The following PACS2 variants were observed in gnomAD, a reference collection of about 807,000 sequenced individuals.
The protein encoded by PACS2 is PACS1-like protein.
In PACS2, 36 loss-of-function variants were observed where a neutral mutation model predicts 113.0. The observed-to-expected ratio is 0.32, with a 90% confidence interval of 0.24 to 0.42. PACS2 has a LOEUF of 0.42. PACS2 is among the 10% of genes least tolerant of loss of function. The probability of loss-of-function intolerance (pLI) is 1.00; values close to 1 mark genes in which losing one functional copy is unlikely to be tolerated. For missense variants in PACS2, 1,015 were observed against 1,239.5 expected (o/e 0.82, Z 2.72); for synonymous variants, 589 against 536.1 (o/e 1.10, Z -1.36).
chr14:105,362,809 T>A (rs1218290734), intron 4 of PACS2, among the ~76,000 whole-genome samples: 3 of 150,744 alleles, frequency 2.0e-5, no homozygotes, highest in Admixed American at 1.3e-4. Flanking sequence ...CAAGATCGCG[T>A]CATTGCACTC....
rs1294241883 is a variant in PACS2, at chr14:105,396,099, G to GC, written c.*1435dup. On this transcript the variant is annotated 3_prime_UTR_variant, in exon 25 of 25. Coordinates refer to ENST00000447393, the MANE Select transcript of PACS2 (RefSeq NM_001100913.3). Reference sequence around the variant, plus strand: ...TGTGACCGCCCTGCTCTTCCTGGCCGCCCCCCCCAGGTGGCTGAACAGGGT... The same window carrying GC: ...TGTGACCGCCCTGCTCTTCCTGGCCGCCCCCCCCCAGGTGGCTGAACAGGGT... 3.5e-4 allele frequency: 53 copies of GC among 152,060 alleles called. No individual in the cohort carries two copies. In the South Asian group the frequency reaches 5.2e-3, roughly 15 times the overall value. 9.4% of individuals were successfully genotyped at this position (152,060 alleles called of 1,614,324 possible).
chr14:105,380,819 G>C (rs181965783), intron 11 of PACS2, 138 bp from the exon 12 acceptor site: 3 of 785,182 alleles, frequency 3.8e-6, no homozygotes, highest in South Asian at 4.3e-5. Flanking sequence ...CCTGGTCAGC[G>C]TATGGCCGGG....
intron 4 of PACS2, among the ~76,000 whole-genome samples, chr14:105,359,832 C>A (rs868952200): frequency 5.9e-5 from 9 of 152,164 alleles, no homozygotes; most frequent in African/African-American, 2.2e-4. Flanking sequence ...ACCTCGCGAT[C>A]CGCCCACCTT....
At chr14:105,361,348 A>G (rs782528881) in intron 4 of PACS2, among the ~76,000 whole-genome samples, 1 of 151,748 alleles carries the variant, frequency 6.6e-6, no homozygotes, top group Non-Finnish European at 1.5e-5. Context: ...ACAAAAAAAG[A>G]AAAAAAGGCT....
At position 105,397,535 on chromosome 14, in the gene PACS2, C is replaced by G. The variant is rs587716464; in HGVS notation, c.*2863C>G. 1.3e-5 allele frequency: 2 copies of G among 152,346 alleles called. No individual in the cohort carries two copies. Among genetic ancestry groups the G allele is most frequent in the Admixed American group, 1.3e-4 (2 of 15,282 alleles). 9.4% of individuals were successfully genotyped at this position (152,346 alleles called of 1,614,324 possible). On this transcript the variant is annotated 3_prime_UTR_variant, in exon 25 of 25. Transcript: ENST00000447393. The stretch of plus-strand genomic sequence containing the variant: ...CACTATTACGTAGACAGACCCCACC[C>G]TCACCCAGGCCAGCTGTGGGCCAGT...
chr14:105,376,779 G>A lies in PACS2; in HGVS notation c.813G>A (p.Ser271=), dbSNP rs782081321. 1.8e-5 allele frequency: 29 copies of A among 1,612,574 alleles called. No homozygotes were observed. The highest frequency in any genetic ancestry group is 6.7e-5 in the East Asian group (3 of 44,860). Residue 271 remains serine (S), a synonymous_variant, in exon 9 of 25, where the codon TCG becomes TCA. Coordinates refer to ENST00000447393, the MANE Select transcript of PACS2 (RefSeq NM_001100913.3). This position sits in a 1 kb window ranked among gnomAD's most constrained non-coding sequence, Gnocchi z 4.7. ...TGGCACCCGTGCAGGTCCTGGACTC[G>A]GAGCAGGACCCTGCGGAGCACATCC... ...RFKVSDEVLD[S]EQDPAEHIPE...
chr14:105,373,473 G>A (rs2061233214), intron 8 of PACS2, among the ~76,000 whole-genome samples: 1 of 152,242 alleles, frequency 6.6e-6, no homozygotes, highest in African/African-American at 2.4e-5. Flanking sequence ...GGGAAGAATA[G>A]TCTTCAACAA....
At chr14:105,309,967 G>T (rs907463100), upstream of PACS2, among the ~76,000 whole-genome samples, 2 of 151,412 alleles carry the variant, frequency 1.3e-5, no homozygotes, top group African/African-American at 4.9e-5. This position sits in a 1 kb window ranked among gnomAD's most constrained non-coding sequence, Gnocchi z 4.0. Flanking sequence ...TGTATTTTTA[G>T]TAGAGACGGG....
At chr14:105,372,269 T>A (rs1182039878) in intron 8 of PACS2, 1 of 152,260 alleles carries the variant, frequency 6.6e-6, no homozygotes, top group Non-Finnish European at 1.5e-5. Context: ...CGCTGAGGGC[T>A]GCCTTCTGAA....
In PACS2 at chr14:105,385,792, G is replaced by A. The variant is rs782075847; in HGVS notation, c.2033+75G>A. On this transcript the variant is annotated intron_variant, in intron 19 of 24. Transcript: ENST00000447393. Reference sequence around the variant, plus strand: ...TTCAGGGCTTGTTTGGCAGAGTCACGTAGGAATCACCCCGCTGTCCTCTCT... The same window carrying A: ...TTCAGGGCTTGTTTGGCAGAGTCACATAGGAATCACCCCGCTGTCCTCTCT... 4.5e-5 allele frequency: 42 copies of A among 924,804 alleles called. 1 individual carries two copies. The highest frequency in any genetic ancestry group is 3.7e-4 in the Admixed American group (13 of 34,992). 57.3% of individuals were successfully genotyped at this position (924,804 alleles called of 1,614,324 possible).
At position 105,394,580 on chromosome 14, in the gene PACS2, G is replaced by A. The variant is rs782258879; in HGVS notation, c.2623G>A (p.Asp875Asn). The change falls in exon 25 of 25, where the codon GAC (aspartate) becomes AAC (asparagine). Residue 875 changes from aspartate to asparagine, a missense_variant. Transcript: ENST00000447393. Reference sequence around the variant, plus strand: ...CCTCATCGACGGCGTGGAGTGCAGCGACGTCAAGTTCTTCCAGCTGGCCGC... The same window carrying A: ...CCTCATCGACGGCGTGGAGTGCAGCAACGTCAAGTTCTTCCAGCTGGCCGC... ...RVLIDGVECS[D>N]VKFFQLAAQW... 2.1e-5 allele frequency: 34 copies of A among 1,613,122 alleles called. No homozygotes were observed. Among genetic ancestry groups the A allele is most frequent in the Admixed American group, 1.8e-4 (11 of 60,014 alleles).
intron 9 of PACS2, among the ~76,000 whole-genome samples, chr14:105,378,063 C>G (rs190993649): frequency 1.3e-5 from 2 of 152,228 alleles, no homozygotes; most frequent in African/African-American, 4.8e-5. Context: ...CCTCCACCTT[C>G]GGAACCAGCA....
Position 105,315,861 on chromosome 14 carries a change from G to C in PACS2, c.119+824G>C, listed in dbSNP as rs2058591316. Among the ~76,000 whole-genome samples the C allele has an allele frequency of 6.6e-6, 1 of 152,246 alleles. No individual in the cohort carries two copies. Among genetic ancestry groups the C allele is most frequent in the African/African-American group, 2.4e-5 (1 of 41,458 alleles). ...AGACACGCTCTCCGGAAAAGTTCTG[G>C]TTCTAGAATAGACAGCAGGCGAGAA... On this transcript the variant is annotated intron_variant, in intron 1 of 24. Transcript: ENST00000447393. This position sits in a 1 kb window ranked among gnomAD's most constrained non-coding sequence, Gnocchi z 4.4.
At chr14:105,385,137 G>A (rs188170002) in intron 18 of PACS2, 150 bp downstream of exon 18, 2 of 631,194 alleles carry the variant, frequency 3.2e-6, no homozygotes, top group Non-Finnish European at 5.8e-6. Flanking sequence ...GGGCAGCTCT[G>A]GGCCTCCCTG....
At chr14:105,327,689 G>T (rs2059170699) in intron 1 of PACS2, among the ~76,000 whole-genome samples, 2 of 152,244 alleles carry the variant, frequency 1.3e-5, no homozygotes, top group African/African-American at 4.8e-5. Flanking sequence ...GTGGGCTATC[G>T]AAGGTTTTGG....
chr14:105,374,942 G>C (rs1311345014), intron 8 of PACS2: 2 of 152,184 alleles, frequency 1.3e-5, no homozygotes, highest in Non-Finnish European at 2.9e-5. Context: ...GCTGCGAGCC[G>C]CGGTTGACAT....
rs2060365082 is a variant in PACS2, at chr14:105,354,719, CTGT to C, written c.298-331_298-329del. On this transcript the variant is annotated intron_variant, in intron 3 of 24. Coordinates refer to ENST00000447393, the MANE Select transcript of PACS2 (RefSeq NM_001100913.3). The surrounding 1 kb of genome is among the most constrained non-coding windows in gnomAD (Gnocchi z 4.2). ...TGCCTCAGGCACATGAGCCGCCACACTGTTTCCGAGTGTCCACAGGCGCGCTCG... is the reference window on the plus strand; with the variant it reads ...TGCCTCAGGCACATGAGCCGCCACACTTCCGAGTGTCCACAGGCGCGCTCG... 6.6e-6 allele frequency among the ~76,000 whole-genome samples: 1 copy of C among 152,242 alleles called. No homozygotes were observed. The highest frequency in any genetic ancestry group is 6.5e-5 in the Admixed American group (1 of 15,286).
rs587767186 is a variant in PACS2, at chr14:105,370,306, C to T, written c.801+406C>T. 143 of 134,078 alleles carry T rather than the reference C, an allele frequency of 1.1e-3. 3 individuals are homozygous for T. The East Asian group carries it at 0.014, about 13-fold the overall frequency. 8.3% of individuals were successfully genotyped at this position (134,078 alleles called of 1,614,324 possible). ...CCCACTATTGACATGGGCCCCCCCT[C>T]CCCACCTGACAGCCCCCCACTACTG... On this transcript the variant is annotated intron_variant, in intron 8 of 24. Coordinates refer to ENST00000447393, the MANE Select transcript of PACS2 (RefSeq NM_001100913.3).
In PACS2 at chr14:105,392,753, C is replaced by A. The variant is rs782710750; in HGVS notation, c.2390C>A (p.Ser797Tyr). 2 of 1,612,504 alleles carry A rather than the reference C, an allele frequency of 1.2e-6. No homozygotes were observed. The highest frequency in any genetic ancestry group is 1.7e-6 in the Non-Finnish European group (2 of 1,179,986). Reference protein sequence around the residue: ...TKNTLKCTFRSLQVSRLPSSG... With the variant: ...TKNTLKCTFRYLQVSRLPSSG... ...AACACGCTCAAGTGCACTTTCCGGT[C>A]CCTCCAGGTCAGCAGGCTGCCCAGC... Residue 797 changes from serine to tyrosine, a missense_variant, in exon 23 of 25, where the codon TCC becomes TAC. This residue lies in a region of PACS2 where 859 missense variants were observed against 1,056.8 expected (regional missense o/e 0.81). Transcript: ENST00000447393.
Sources: allele counts gnomAD v4.1 joint callset (sites outside exome capture counted in the v4.1 genomes callset), GRCh38; gene constraint gnomAD v4.1.1; regional missense constraint gnomAD v4.1.1; non-coding constraint Gnocchi (gnomAD v3.1); transcripts MANE v1.5; gene names NCBI Gene and HGNC (gene_info 2026-07-23, HGNC 2026-07-21).